Variants in ZNF783 observed in about 807,000 individuals in gnomAD.
ZNF783 encodes protein ZNF783.
Under a neutral mutation model 31.3 loss-of-function variants are expected in ZNF783, and 25 were observed. That is an observed-to-expected ratio of 0.80 (90% CI 0.58 to 1.11). The LOEUF (loss-of-function observed/expected upper bound fraction) is 1.11, where lower values mean the gene tolerates loss of function less well. Among genes scored for constraint, ZNF783 ranks in the 50% most tolerant of loss-of-function variants. ZNF783 has a pLI of 0.00. For missense variants in ZNF783, 797 were observed against 760.0 expected (o/e 1.05, Z -0.57); for synonymous variants, 369 against 319.1 (o/e 1.16, Z -1.66).
intron 1 of ZNF783, among the ~76,000 whole-genome samples, chr7:149,265,210 A>G (rs767481238): frequency 6.6e-6 from 1 of 152,366 alleles, no homozygotes; most frequent in East Asian, 1.9e-4. Flanking sequence ...TGTCTCTCCA[A>G]CAAGGCTTTT....
At position 149,282,312 on chromosome 7, in the gene ZNF783, TGCCCTGGCCCA is replaced by T. The variant is rs1360670045; in HGVS notation, c.1614_1624del (p.Trp539GlufsTer75). On this transcript the variant is annotated frameshift_variant, in exon 6 of 6. Coordinates refer to ENST00000434415, the MANE Select transcript of ZNF783 (RefSeq NM_001195220.2). LOFTEE classifies it high-confidence loss of function. Reference sequence around the variant, plus strand: ...CCCGCCCGCCACGGGAGCCTGCCCCTGCCCTGGCCCAGCCGGAAGGAGGAGGGCTGACCTGG... The same window carrying T: ...CCCGCCCGCCACGGGAGCCTGCCCCTGCCGGAAGGAGGAGGGCTGACCTGG... 6.4e-7 allele frequency: 1 copy of T among 1,555,568 alleles called. No individual in the cohort carries two copies. The highest frequency in any genetic ancestry group is 8.6e-7 in the Non-Finnish European group (1 of 1,158,800).
chr7:149,278,201 G>A (rs1797377918), intron 4 of ZNF783, 198 bp from the exon 5 acceptor site: 1 of 1,380,396 alleles, frequency 7.2e-7, no homozygotes, highest in Non-Finnish European at 9.4e-7. Flanking sequence ...CTGTGCTGCA[G>A]TTTCCTTCTG....
intron 4 of ZNF783, among the ~76,000 whole-genome samples, chr7:149,267,568 C>T (rs951004417): frequency 5.3e-5 from 8 of 152,126 alleles, no homozygotes; most frequent in Non-Finnish European, 1.2e-4. Flanking sequence ...GAGGCTGAGG[C>T]GGGCGGATCA....
chr7:149,263,631 A>T (rs975940513), intron 1 of ZNF783, among the ~76,000 whole-genome samples: 2 of 151,908 alleles, frequency 1.3e-5, no homozygotes, highest in Non-Finnish European at 2.9e-5. Flanking sequence ...TCATCTATAT[A>T]AGTTAGGCCA....
At chr7:149,268,007 C>T (rs1189769507) in intron 4 of ZNF783, among the ~76,000 whole-genome samples, 5 of 152,194 alleles carry the variant, frequency 3.3e-5, no homozygotes, top group African/African-American at 1.2e-4. Flanking sequence ...GTCCTTGTAG[C>T]TGGTATATAG....
At chr7:149,265,933 G>A (rs35163261) in intron 1 of ZNF783, among the ~76,000 whole-genome samples, 11,632 of 152,238 alleles carry the variant, frequency 0.076, 557 homozygotes, top group African/African-American at 0.11. Flanking sequence ...GCTGTCCACT[G>A]GGGAGTCATG....
At chr7:149,281,093 G>T (rs879666099) in intron 5 of ZNF783, among the ~76,000 whole-genome samples, 6 of 152,200 alleles carry the variant, frequency 3.9e-5, no homozygotes, top group African/African-American at 1.4e-4. Context: ...GGGCATGCAG[G>T]GCCCCTGGGG....
At chr7:149,266,303 A>G (rs1157158042) in intron 1 of ZNF783, 32 bp from the exon 2 acceptor site, 1 of 1,504,178 alleles carries the variant, frequency 6.6e-7, no homozygotes, top group Non-Finnish European at 8.8e-7. Flanking sequence ...TATAATTCTC[A>G]TAACATCTCT....
Position 149,278,438 on chromosome 7 carries a change from G to C in ZNF783, c.713G>C (p.Ser238Thr), listed in dbSNP as rs368322550. The C allele has an allele frequency of 1.9e-6, 3 of 1,599,206 alleles. No homozygotes were observed. Among genetic ancestry groups the C allele is most frequent in the African/African-American group, 2.7e-5 (2 of 74,862 alleles). ...CCAGAGCACCTCACCAGCCCACTTA[G>C]CCCTGCCCAGGAGGAGCTGAAAGAA... is the stretch of plus-strand genomic sequence containing the variant. ...PYPEHLTSPLSPAQEELKEGQ... is the reference protein window; with the variant it reads ...PYPEHLTSPLTPAQEELKEGQ... Residue 238 changes from serine to threonine, a missense_variant, in exon 5 of 6, where the codon AGC (serine) becomes ACC (threonine). Physicochemically the swap from Ser to Thr is moderately conservative, Grantham distance 58 (BLOSUM62 1). Coordinates refer to ENST00000434415, the MANE Select transcript of ZNF783 (RefSeq NM_001195220.2).
chr7:149,276,152 A>G (rs4727037), intron 4 of ZNF783: 39,208 of 180,238 alleles, frequency 0.22, 4,667 homozygotes, highest in East Asian at 0.47. Flanking sequence ...TGGCCTCCCA[A>G]AGTGTTGGGA....
intron 1 of ZNF783, among the ~76,000 whole-genome samples, chr7:149,265,462 G>C (rs1168221574): frequency 1.3e-5 from 2 of 152,180 alleles, no homozygotes; most frequent in African/African-American, 2.4e-5. Flanking sequence ...TTCCCGGCAG[G>C]GCTCTTTTCC....
rs577232353 is a variant in ZNF783, at chr7:149,265,304, A to G, written c.25-1031A>G. Among the ~76,000 whole-genome samples, 7 of 152,232 alleles carry G rather than the reference A, an allele frequency of 4.6e-5. No homozygotes were observed. The South Asian group carries it at 1.2e-3, about 27-fold the overall frequency. ...ATACCAGGGTAAGCTGAGGCACTTG[A>G]GAAGCTTTTTCCAAGGCACTGAAGG... On this transcript the variant is annotated intron_variant, in intron 1 of 5. Transcript: ENST00000434415.
In ZNF783 at chr7:149,267,169, G is replaced by C; in HGVS notation, c.620G>C (p.Gly207Ala). Reference sequence around the variant, plus strand: ...GAGGAGCCTTGTCTTGACCGGTGGGGCCAGGAGAAGGGGAATGAAGTAGAG... The same window carrying C: ...GAGGAGCCTTGTCTTGACCGGTGGGCCCAGGAGAAGGGGAATGAAGTAGAG... ...RGEEPCLDRW[G>A]QEKGNEVEVG... Residue 207 changes from glycine (G) to alanine (A), a missense_variant, in exon 4 of 6, where the codon GGC becomes GCC. Gly to Ala is a moderately conservative substitution (Grantham distance 60). Transcript: ENST00000434415. 6.3e-7 allele frequency: 1 copy of C among 1,599,320 alleles called. No individual in the cohort carries two copies. The highest frequency in any genetic ancestry group is 1.1e-5 in the South Asian group (1 of 91,066).
chr7:149,279,795 C>T (rs1007405488), intron 5 of ZNF783, among the ~76,000 whole-genome samples: 5 of 151,406 alleles, frequency 3.3e-5, no homozygotes, highest in South Asian at 2.1e-4. Context: ...GTAAGGTCAC[C>T]GATCAACAGG....
chr7:149,282,260 C>G lies in ZNF783; in HGVS notation c.1558C>G (p.Gln520Glu). 6.3e-7 allele frequency: 1 copy of G among 1,593,792 alleles called. No individual in the cohort carries two copies. The highest frequency in any genetic ancestry group is 8.5e-7 in the Non-Finnish European group (1 of 1,178,046). ...AVHMQTHARG[Q>E]VGPHFPAAPA... ...GCACATGCAGACCCACGCCCGAGGC[C>G]AGGTGGGCCCACACTTCCCTGCCGC... is the stretch of plus-strand genomic sequence containing the variant. Residue 520 changes from glutamine (Q) to glutamate (E), a missense_variant, in exon 6 of 6, where the codon CAG becomes GAG. Coordinates refer to ENST00000434415, the MANE Select transcript of ZNF783 (RefSeq NM_001195220.2).
intron 4 of ZNF783, among the ~76,000 whole-genome samples, chr7:149,275,260 TTGCTGA>T (rs1287783025): frequency 6.6e-6 from 1 of 152,128 alleles, no homozygotes; most frequent in Non-Finnish European, 1.5e-5. Flanking sequence ...TGCTGCGACT[TTGCTGA>T]ATTTATCAGT....
intron 4 of ZNF783, 74 bp downstream of exon 4, chr7:149,267,296 C>A: frequency 1.3e-6 from 2 of 1,509,214 alleles, no homozygotes; most frequent in Admixed American, 2.2e-5. Flanking sequence ...TCTCGGGCTT[C>A]CCAGACAATC....
At chr7:149,263,322 A>AT (rs1355010653) in intron 1 of ZNF783, among the ~76,000 whole-genome samples, 139 of 113,662 alleles carry the variant, frequency 1.2e-3, no homozygotes, top group African/African-American at 4.1e-3. Context: ...ATATATATAT[A>AT]TATTTTTTTT....
At chr7:149,267,362 A>G (rs1797104635) in intron 4 of ZNF783, 140 bp downstream of exon 4, 1 of 1,182,456 alleles carries the variant, frequency 8.5e-7, no homozygotes, top group Admixed American at 2.9e-5. Flanking sequence ...CACTCTGTAC[A>G]AGGCCACCCT....
Sources: allele counts gnomAD v4.1 joint callset (sites outside exome capture counted in the v4.1 genomes callset), GRCh38; gene constraint gnomAD v4.1.1; transcripts MANE v1.5; gene names NCBI Gene and HGNC (gene_info 2026-07-23, HGNC 2026-07-21).